The following SIPA1L2 variants were observed in gnomAD, a reference collection of about 807,000 sequenced individuals.
The protein encoded by SIPA1L2 is signal-induced proliferation-associated 1-like protein 2.
In SIPA1L2, 56 loss-of-function variants were observed where a neutral mutation model predicts 163.9. The ratio of observed to expected loss-of-function variants is 0.34; its 90% CI spans 0.28 to 0.43. The LOEUF is 0.43. Ranked by LOEUF, SIPA1L2 falls within the 20% of genes least tolerant of loss-of-function variation. SIPA1L2 has a pLI of 1.00. For missense variants in SIPA1L2, 1,974 were observed against 2,193.5 expected, an observed-to-expected ratio of 0.90 and a Z score of 2.00; for synonymous variants, 877 against 865.7, an observed-to-expected ratio of 1.01 and a Z score of -0.23.
At chr1:232,489,406 A>T (rs1216776465) in intron 5 of SIPA1L2, among the ~76,000 whole-genome samples, 1 of 152,170 alleles carries the variant, frequency 6.6e-6, no homozygotes, top group Non-Finnish European at 1.5e-5. Flanking sequence ...TGAACATTTC[A>T]TATATTCCAC....
chr1:232,554,202 A>G (rs1448850285), intron 2 of SIPA1L2, among the ~76,000 whole-genome samples: 4 of 152,224 alleles, frequency 2.6e-5, no homozygotes, highest in Non-Finnish European at 4.4e-5. Context: ...ATAAATGTTA[A>G]CAAGCACTAG....
chr1:232,486,759 T>C (rs1180434740), intron 5 of SIPA1L2, among the ~76,000 whole-genome samples: 5 of 152,132 alleles, frequency 3.3e-5, no homozygotes, highest in African/African-American at 1.2e-4. Context: ...AGTAAAGATA[T>C]CTCTCTCACC....
intron 15 of SIPA1L2, 106 bp from the exon 16 acceptor site, chr1:232,432,577 G>A: frequency 9.7e-7 from 1 of 1,031,114 alleles, no homozygotes; most frequent in South Asian, 1.6e-5. Context: ...TTCTCCGAGA[G>A]CAAAATCGGG....
intron 3 of SIPA1L2, among the ~76,000 whole-genome samples, chr1:232,511,349 AT>A (rs1258323398): frequency 6.6e-6 from 1 of 152,218 alleles, no homozygotes; most frequent in Non-Finnish European, 1.5e-5. Flanking sequence ...TTTCAGTCCT[AT>A]TATGTCATCA....
chr1:232,531,265 C>G (rs1250364994), intron 2 of SIPA1L2, among the ~76,000 whole-genome samples: 2 of 152,170 alleles, frequency 1.3e-5, no homozygotes, highest in South Asian at 2.1e-4. Context: ...CCACTTAAGA[C>G]CACCTTAAAA....
At chr1:232,495,020 C>CTT (rs1395878444) in intron 3 of SIPA1L2, among the ~76,000 whole-genome samples, 1 of 152,158 alleles carries the variant, frequency 6.6e-6, no homozygotes, top group East Asian at 1.9e-4. Flanking sequence ...TATGCCAATG[C>CTT]TTGCCACAAT....
At chr1:232,617,976 A>C (rs913835117) in intron 1 of SIPA1L2, among the ~76,000 whole-genome samples, 8 of 152,216 alleles carry the variant, frequency 5.3e-5, no homozygotes, top group African/African-American at 1.7e-4. Flanking sequence ...GGATGGGTAG[A>C]AGACGGAGAG....
At chr1:232,524,964 A>G (rs551164715) in intron 2 of SIPA1L2, among the ~76,000 whole-genome samples, 46 of 152,300 alleles carry the variant, frequency 3.0e-4, no homozygotes, top group African/African-American at 1.1e-3. Flanking sequence ...TTCAATAAAT[A>G]TAACATTTTT....
At chr1:232,581,535 C>T (rs1331309890) in intron 1 of SIPA1L2, among the ~76,000 whole-genome samples, 1 of 152,190 alleles carries the variant, frequency 6.6e-6, no homozygotes, top group Non-Finnish European at 1.5e-5. Context: ...CACCCCTAAA[C>T]ATCCCAGTTA....
intron 2 of SIPA1L2, among the ~76,000 whole-genome samples, chr1:232,567,142 T>C (rs1056314053): frequency 6.6e-6 from 1 of 152,202 alleles, no homozygotes; most frequent in South Asian, 2.1e-4. Flanking sequence ...ATATGACCCT[T>C]AGGCAAATCA....
intron 8 of SIPA1L2, among the ~76,000 whole-genome samples, chr1:232,467,478 C>A (rs1452582104): frequency 6.6e-6 from 1 of 152,166 alleles, no homozygotes; most frequent in Non-Finnish European, 1.5e-5. Flanking sequence ...CCCCCACAAT[C>A]CCCCATGTTA....
At chr1:232,558,786 A>G (rs893647512) in intron 2 of SIPA1L2, among the ~76,000 whole-genome samples, 1 of 152,194 alleles carries the variant, frequency 6.6e-6, no homozygotes, top group Non-Finnish European at 1.5e-5. Context: ...ATGTGCATCA[A>G]GTTTTATGAG....
intron 18 of SIPA1L2, among the ~76,000 whole-genome samples, chr1:232,420,771 C>G (rs1158329823): frequency 6.6e-6 from 1 of 152,090 alleles, no homozygotes. Context: ...GGAGGCAGAG[C>G]TTGCAGTGAG....
intron 16 of SIPA1L2, 142 bp downstream of exon 16, chr1:232,432,105 T>C (rs1662278197): frequency 1.0e-5 from 7 of 682,872 alleles, no homozygotes; most frequent in Non-Finnish European, 1.7e-5. Context: ...AATATAAACA[T>C]CAACATTTAA....
At chr1:232,579,634 A>T (rs1660267014) in intron 1 of SIPA1L2, among the ~76,000 whole-genome samples, 2 of 152,224 alleles carry the variant, frequency 1.3e-5, no homozygotes, top group Admixed American at 6.5e-5. Context: ...TTTTGACCTA[A>T]AAAAGCAGCA....
chr1:232,505,499 A>G (rs949265023), intron 3 of SIPA1L2, among the ~76,000 whole-genome samples: 3 of 152,218 alleles, frequency 2.0e-5, no homozygotes, highest in Non-Finnish European at 4.4e-5. Context: ...CTTCTTCCCC[A>G]GTAACTGACT....
At chr1:232,445,407 C>T in intron 11 of SIPA1L2, 122 bp downstream of exon 11, 1 of 1,433,004 alleles carries the variant, frequency 7.0e-7, no homozygotes, top group African/African-American at 1.4e-5. Context: ...TGCTACCCTG[C>T]TTGCCAACTT....
Position 232,445,802 on chromosome 1 carries a change from G to C in SIPA1L2, c.3096-16C>G. ...TGAACACCCTCTGTTGGGCCAAGAAGAAATGGTGAGAAGGGAAGCTCTCAG... is the reference window on the plus strand; with the variant it reads ...TGAACACCCTCTGTTGGGCCAAGAACAAATGGTGAGAAGGGAAGCTCTCAG... On this transcript the variant is annotated splice_polypyrimidine_tract_variant and intron_variant, in intron 10 of 22. Transcript: ENST00000674635. The C allele has an allele frequency of 6.2e-7, 1 of 1,607,372 alleles. No individual in the cohort carries two copies. The highest frequency in any genetic ancestry group is 2.2e-5 in the East Asian group (1 of 44,802).
Position 232,513,863 on chromosome 1 carries a change from C to T in SIPA1L2, c.1477G>A (p.Gly493Arg). The part of the protein sequence containing the change: ...GAYYYRKFFY[G>R]KEHQNYFGID... Reference sequence around the variant, plus strand: ...GCCCATGGCTCTTCCTTACCTTTCCCATAGAAGAATTTGCGGTAATAATAG... The same window carrying T: ...GCCCATGGCTCTTCCTTACCTTTCCTATAGAAGAATTTGCGGTAATAATAG... Residue 493 changes from glycine to arginine, a missense_variant, in exon 3 of 23, where the codon GGG (glycine) becomes AGG (arginine). Coordinates refer to ENST00000674635, the MANE Select transcript of SIPA1L2 (RefSeq NM_020808.5). 1 of 1,565,960 alleles carries T rather than the reference C, an allele frequency of 6.4e-7. No individual in the cohort carries two copies. Among genetic ancestry groups the T allele is most frequent in the Non-Finnish European group, 8.6e-7 (1 of 1,159,756 alleles).
Sources: gnomAD v4.1 joint callset for allele counts (sites outside exome capture counted in the v4.1 genomes callset) on GRCh38, gnomAD v4.1.1 for gene constraint, MANE v1.5 for transcripts, NCBI Gene and HGNC (gene_info 2026-07-23, HGNC 2026-07-21) for gene names.